The following MACROD2 variants were observed in gnomAD, a reference collection of about 807,000 sequenced individuals.
MACROD2 encodes mono-ADP ribosylhydrolase 2.
A neutral mutation model predicts 70.4 loss-of-function variants in MACROD2; 36 were observed. That is an observed-to-expected ratio of 0.51 (90% CI 0.39 to 0.68). The LOEUF (loss-of-function observed/expected upper bound fraction) is 0.68, where lower values mean the gene tolerates loss of function less well. Among genes scored for constraint, MACROD2 ranks in the 30% least tolerant of loss-of-function variants. The pLI is 0.00. For missense variants in MACROD2, 496 were observed against 538.4 expected (o/e 0.92, Z 0.78); for synonymous variants, 172 against 178.8 (o/e 0.96, Z 0.30).
chr20:15,718,096 C>G (rs1436798840), intron 8 of MACROD2, among the ~76,000 whole-genome samples: 2 of 151,516 alleles, frequency 1.3e-5, no homozygotes, highest in African/African-American at 4.9e-5. Context: ...ATTTCCGGCC[C>G]CCAGGTTCAA....
chr20:15,907,982 GAGGCTTTTTT>G (rs896757017), intron 10 of MACROD2, among the ~76,000 whole-genome samples: 3 of 152,150 alleles, frequency 2.0e-5, no homozygotes, highest in Admixed American at 1.3e-4. Context: ...ACTCCCTAAG[GAGGCTTTTTT>G]AGACATTCTT....
chr20:15,656,053 G>C (rs2049725808), intron 8 of MACROD2, among the ~76,000 whole-genome samples: 1 of 152,068 alleles, frequency 6.6e-6, no homozygotes, highest in Admixed American at 6.6e-5. Flanking sequence ...TAACTCCGTG[G>C]TGGATTTAAC....
chr20:15,372,342 G>T (rs2045505270), intron 6 of MACROD2, among the ~76,000 whole-genome samples: 1 of 152,190 alleles, frequency 6.6e-6, no homozygotes, highest in Non-Finnish European at 1.5e-5. Context: ...CCTCAGCATT[G>T]TATGAAGGTT....
chr20:15,651,655 C>T (rs2049645811), intron 8 of MACROD2, among the ~76,000 whole-genome samples: 1 of 152,110 alleles, frequency 6.6e-6, no homozygotes, highest in Non-Finnish European at 1.5e-5. Context: ...TCAATCCAAT[C>T]ATCCTCCCAT....
At chr20:14,722,824 A>G (rs560605187) in intron 5 of MACROD2, among the ~76,000 whole-genome samples, 1 of 152,352 alleles carries the variant, frequency 6.6e-6, no homozygotes, top group South Asian at 2.1e-4. Flanking sequence ...CACTTTCTCT[A>G]TAGCCATCTC....
intron 3 of MACROD2, among the ~76,000 whole-genome samples, chr20:14,242,355 C>T (rs1218596694): frequency 6.6e-6 from 1 of 152,054 alleles, no homozygotes; most frequent in East Asian, 1.9e-4. Flanking sequence ...CTTGTCATTT[C>T]CTGCACACAC....
intron 5 of MACROD2, among the ~76,000 whole-genome samples, chr20:14,764,710 C>G (rs1011458153): frequency 1.3e-5 from 2 of 152,130 alleles, no homozygotes; most frequent in African/African-American, 4.8e-5. Context: ...GCCTCAAGTA[C>G]TGCTGAGCTT....
intron 5 of MACROD2, among the ~76,000 whole-genome samples, chr20:14,851,508 C>A (rs975185363): frequency 1.3e-5 from 2 of 152,128 alleles, no homozygotes; most frequent in Admixed American, 1.3e-4. Context: ...AAAATTATCT[C>A]TTTAGATAAA....
chr20:15,282,765 A>T (rs982579880), intron 6 of MACROD2, among the ~76,000 whole-genome samples: 1 of 151,642 alleles, frequency 6.6e-6, no homozygotes, highest in Non-Finnish European at 1.5e-5. Flanking sequence ...AACTATTCCA[A>T]CCTCTGCCTG....
chr20:15,093,830 C>T (rs1467915890), intron 5 of MACROD2, among the ~76,000 whole-genome samples: 3 of 152,122 alleles, frequency 2.0e-5, no homozygotes, highest in Non-Finnish European at 2.9e-5. Flanking sequence ...AGTACTTAGT[C>T]TGTGTCAGAC....
intron 4 of MACROD2, among the ~76,000 whole-genome samples, chr20:14,609,085 C>T (rs558974242): frequency 6.6e-6 from 1 of 151,910 alleles, no homozygotes; most frequent in Non-Finnish European, 1.5e-5. Context: ...AATGGGAAGC[C>T]ATTAGAGGCT....
chr20:15,997,522 A>C (rs73235834), intron 15 of MACROD2, among the ~76,000 whole-genome samples: 5 of 152,116 alleles, frequency 3.3e-5, no homozygotes, highest in Admixed American at 2.6e-4. Context: ...GTGTATAGAA[A>C]TGCACCTGAT....
At chr20:15,504,342 G>A (rs1358009287) in intron 8 of MACROD2, among the ~76,000 whole-genome samples, 1 of 152,048 alleles carries the variant, frequency 6.6e-6, no homozygotes, top group Non-Finnish European at 1.5e-5. Context: ...GGCAGCTCTA[G>A]CAGAAGAGCT....
chr20:14,014,237 AC>A (rs988383804), intron 2 of MACROD2, among the ~76,000 whole-genome samples: 29 of 42,136 alleles, frequency 6.9e-4, no homozygotes, highest in African/African-American at 2.3e-3. Context: ...CCTCCCCCCC[AC>A]CCCCAATAAT....
intron 5 of MACROD2, among the ~76,000 whole-genome samples, chr20:15,124,653 G>A (rs2076054148): frequency 6.6e-6 from 1 of 151,754 alleles, no homozygotes; most frequent in Non-Finnish European, 1.5e-5. Context: ...TTTTTTCTAT[G>A]AAAGTGATAA....
chr20:14,218,445 G>GT, intron 3 of MACROD2, among the ~76,000 whole-genome samples: 2 of 152,274 alleles, frequency 1.3e-5, no homozygotes, highest in Admixed American at 1.3e-4. Context: ...TAGTTGGTTG[G>GT]TGAGTTCTTA....
chr20:14,014,666 T>A (rs1235549034), intron 2 of MACROD2, among the ~76,000 whole-genome samples: 1 of 152,208 alleles, frequency 6.6e-6, no homozygotes, highest in Non-Finnish European at 1.5e-5. Context: ...CCTGCAGATA[T>A]ATCTGTTCTT....
At chr20:14,033,730 A>G (rs1222962741) in intron 2 of MACROD2, among the ~76,000 whole-genome samples, 1 of 152,186 alleles carries the variant, frequency 6.6e-6, no homozygotes, top group Non-Finnish European at 1.5e-5. Context: ...ATGGATGTGT[A>G]TGTGCTTCAT....
chr20:14,186,049 T>C (rs1383507877), intron 3 of MACROD2, among the ~76,000 whole-genome samples: 1 of 152,160 alleles, frequency 6.6e-6, no homozygotes, highest in Non-Finnish European at 1.5e-5. Flanking sequence ...CCCAGGTGTA[T>C]AGCTCTATCC....
Sources: gnomAD v4.1 joint callset for allele counts (sites outside exome capture counted in the v4.1 genomes callset) on GRCh38, gnomAD v4.1.1 for gene constraint, MANE v1.5 for transcripts, NCBI Gene and HGNC (gene_info 2026-07-23, HGNC 2026-07-21) for gene names.